KIAA1958: variants seen among roughly 807,000 people sequenced by gnomAD.
KIAA1958 encodes KIAA1958.
A neutral mutation model predicts 47.2 loss-of-function variants in KIAA1958; 14 were observed. The ratio of observed to expected loss-of-function variants is 0.30; its 90% CI spans 0.20 to 0.46. The LOEUF (loss-of-function observed/expected upper bound fraction) is 0.46. Among genes scored for constraint, KIAA1958 ranks in the 20% least tolerant of loss-of-function variants. The pLI, the probability that KIAA1958 is intolerant of heterozygous loss-of-function variation, is 1.00. For missense variants in KIAA1958, 803 were observed against 909.2 expected (o/e 0.88, Z 1.50); for synonymous variants, 354 against 353.3 (o/e 1.00, Z -0.02).
At chr9:112,492,517 C>T (rs1439906057) in intron 1 of KIAA1958, among the ~76,000 whole-genome samples, 3 of 152,160 alleles carry the variant, frequency 2.0e-5, no homozygotes, top group Non-Finnish European at 4.4e-5. Flanking sequence ...ATCCCTCTAC[C>T]TACTGCCTTT....
intron 2 of KIAA1958, among the ~76,000 whole-genome samples, chr9:112,615,791 G>A (rs554256256): frequency 9.3e-4 from 142 of 152,246 alleles, no homozygotes; most frequent in Non-Finnish European, 1.5e-3. Flanking sequence ...AAGGTCTTTC[G>A]ACTTTGAGGA....
intron 1 of KIAA1958, among the ~76,000 whole-genome samples, chr9:112,548,118 C>A (rs1835075623): frequency 6.6e-6 from 1 of 151,810 alleles, no homozygotes; most frequent in Non-Finnish European, 1.5e-5. Flanking sequence ...ATCCTCCCAC[C>A]TCAGTCCCCC....
In KIAA1958 at chr9:112,666,422, A is replaced by G. The variant is rs1326033125; in HGVS notation, c.*6353A>G. The G allele has an allele frequency of 6.6e-6, 1 of 152,224 alleles. No homozygotes were observed. The highest frequency in any genetic ancestry group is 2.4e-5 in the African/African-American group (1 of 41,462). The allele number at this position is 152,224 out of a possible 1,614,324, so 9.4% of individuals were successfully genotyped here. ...TTAAAGGGCCCATCCAAGATCAGCC[A>G]AACAATAAGTAATAGATTCAGGACT... On this transcript the variant is annotated 3_prime_UTR_variant, in exon 4 of 4. Transcript: ENST00000337530.
intron 1 of KIAA1958, among the ~76,000 whole-genome samples, chr9:112,488,487 C>T (rs2026197): frequency 0.96 from 145,444 of 152,284 alleles, 69,519 homozygotes; most frequent in African/African-American, 0.98. Flanking sequence ...ATGCCTGTAT[C>T]AATCTCAATC....
rs1252717800 is a variant in KIAA1958 at position 112,665,741 on chromosome 9, C to G, written c.*5672C>G. The G allele has an allele frequency of 6.6e-6, 1 of 152,140 alleles. No individual in the cohort carries two copies. Among genetic ancestry groups the G allele is most frequent in the Non-Finnish European group, 1.5e-5 (1 of 68,026 alleles). 9.4% of individuals were successfully genotyped at this position (152,140 alleles called of 1,614,324 possible). On this transcript the variant is annotated 3_prime_UTR_variant, in exon 4 of 4. Coordinates refer to ENST00000337530, the MANE Select transcript of KIAA1958 (RefSeq NM_133465.4). Reference sequence around the variant, plus strand: ...TTTCTGCCTACTGGGAACCTTCTGTCTTTATCCAATAAGTAATTTATATTA... The same window carrying G: ...TTTCTGCCTACTGGGAACCTTCTGTGTTTATCCAATAAGTAATTTATATTA...
At chr9:112,580,316 G>T (rs544009483) in intron 2 of KIAA1958, among the ~76,000 whole-genome samples, 2 of 152,116 alleles carry the variant, frequency 1.3e-5, no homozygotes, top group Non-Finnish European at 2.9e-5. Context: ...CAGATAAGAA[G>T]AGTTGTTACG....
chr9:112,491,573 T>C (rs1005282150), intron 1 of KIAA1958, among the ~76,000 whole-genome samples: 1 of 151,974 alleles, frequency 6.6e-6, no homozygotes, highest in African/African-American at 2.4e-5. Context: ...TTTTGTTTTT[T>C]TTTTCCTTAA....
chr9:112,552,035 C>A (rs1169560039), intron 1 of KIAA1958, among the ~76,000 whole-genome samples: 4 of 152,138 alleles, frequency 2.6e-5, no homozygotes, highest in African/African-American at 9.7e-5. Flanking sequence ...GAAGTAGATA[C>A]TAGGTGGGTA....
At chr9:112,583,769 A>T (rs558558658) in intron 2 of KIAA1958, among the ~76,000 whole-genome samples, 1 of 152,356 alleles carries the variant, frequency 6.6e-6, no homozygotes, top group East Asian at 1.9e-4. Flanking sequence ...ACAGACACAC[A>T]CACTTAATTA....
intron 1 of KIAA1958, among the ~76,000 whole-genome samples, chr9:112,497,672 GT>G (rs780741798): frequency 7.4e-5 from 11 of 149,202 alleles, no homozygotes; most frequent in African/African-American, 2.5e-4. Context: ...GTTCAATACA[GT>G]TTTTTTTTTA....
chr9:112,522,491 C>T (rs1345721377), intron 1 of KIAA1958, among the ~76,000 whole-genome samples: 2 of 152,172 alleles, frequency 1.3e-5, no homozygotes, highest in African/African-American at 2.4e-5. Context: ...TCTGTCCAGT[C>T]ACTGTGCTGT....
intron 1 of KIAA1958, among the ~76,000 whole-genome samples, chr9:112,509,017 T>C (rs910733183): frequency 6.6e-6 from 1 of 152,060 alleles, no homozygotes; most frequent in African/African-American, 2.4e-5. Context: ...AGCTGACTTG[T>C]GATTAAAATG....
chr9:112,664,980 G>A lies in KIAA1958; in HGVS notation c.*4911G>A, dbSNP rs1176945927. 1.3e-5 allele frequency: 2 copies of A among 152,138 alleles called. No individual in the cohort carries two copies. The highest frequency in any genetic ancestry group is 1.5e-5 in the Non-Finnish European group (1 of 68,022). 9.4% of individuals were successfully genotyped at this position (152,138 alleles called of 1,614,324 possible). ...ATTACAGTCCAGAAAATCTGCAGAA[G>A]TTCTCCATGTTCAGTGGTTGACCAG... On this transcript the variant is annotated 3_prime_UTR_variant, in exon 4 of 4. Coordinates refer to ENST00000337530, the MANE Select transcript of KIAA1958 (RefSeq NM_133465.4).
At chr9:112,592,312 TGAGCC>T (rs1835938581) in intron 2 of KIAA1958, among the ~76,000 whole-genome samples, 2 of 152,150 alleles carry the variant, frequency 1.3e-5, no homozygotes, top group African/African-American at 4.8e-5. Context: ...GAAACTGCAG[TGAGCC>T]CAGATCACAC....
rs1407577346 is a variant in KIAA1958, at chr9:112,645,133, CT to C, written c.1172-516del. On this transcript the variant is annotated intron_variant, in intron 2 of 3. Transcript: ENST00000337530. ...CTGGGCGATAAGCGCAAAACTTTGT[CT>C]CAAAAAAAAAAAAAAAATGCTAACA... Among the ~76,000 whole-genome samples, 106 of 93,484 alleles carry C rather than the reference CT, an allele frequency of 1.1e-3. 1 individual carries two copies. The highest frequency in any genetic ancestry group is 9.9e-3 in the Admixed American group (88 of 8,848). 61.3% of individuals were successfully genotyped at this position (93,484 alleles called of 152,430 possible).
intron 1 of KIAA1958, among the ~76,000 whole-genome samples, chr9:112,492,068 A>G (rs182787460): frequency 5.3e-4 from 80 of 152,302 alleles, no homozygotes; most frequent in African/African-American, 1.5e-3. Flanking sequence ...CGGAGTTGAC[A>G]ATATGTGTGA....
Position 112,574,856 on chromosome 9 carries a change from C to G in KIAA1958, c.776C>G (p.Ala259Gly), listed in dbSNP as rs774854897. ...AAACTGATTCCCCATGTCACATCTG[C>G]CATCAGCACGGAGCTAGACCCACAC... is the stretch of plus-strand genomic sequence containing the variant. ...SAKLIPHVTS[A>G]ISTELDPHGM... The change falls in exon 2 of 4, where the codon GCC becomes GGC. Residue 259 changes from alanine (A) to glycine (G), a missense_variant. By Grantham distance (60) the Ala-to-Gly change is moderately conservative. Coordinates refer to ENST00000337530, the MANE Select transcript of KIAA1958 (RefSeq NM_133465.4). The G allele has an allele frequency of 6.2e-7, 1 of 1,614,172 alleles. No homozygotes were observed. Among genetic ancestry groups the G allele is most frequent in the Non-Finnish European group, 8.5e-7 (1 of 1,180,024 alleles).
chr9:112,655,755 C>A (rs1231400815), intron 3 of KIAA1958, among the ~76,000 whole-genome samples: 1 of 152,158 alleles, frequency 6.6e-6, no homozygotes, highest in Non-Finnish European at 1.5e-5. Flanking sequence ...TGTCTTGTTT[C>A]AGTGGCTATC....
At chr9:112,573,896 T>C (rs1239943220) in intron 1 of KIAA1958, among the ~76,000 whole-genome samples, 161 bp from the exon 2 acceptor site, 3 of 152,162 alleles carry the variant, frequency 2.0e-5, no homozygotes, top group Non-Finnish European at 4.4e-5. Flanking sequence ...CCTGGTATTC[T>C]CTTCCAGTCC....
Sources: gnomAD v4.1 joint callset for allele counts (sites outside exome capture counted in the v4.1 genomes callset) on GRCh38, gnomAD v4.1.1 for gene constraint, MANE v1.5 for transcripts, NCBI Gene and HGNC (gene_info 2026-07-23, HGNC 2026-07-21) for gene names.